EYS: variants seen among roughly 807,000 people sequenced by gnomAD.
EYS encodes protein eyes shut homolog.
In EYS, 250 loss-of-function variants were observed where a neutral mutation model predicts 282.1. The ratio of observed to expected loss-of-function variants is 0.89; its 90% CI spans 0.80 to 0.98. EYS has a LOEUF of 0.98. EYS is among the 50% of genes least tolerant of loss of function. The pLI, the probability that EYS is intolerant of heterozygous loss-of-function variation, is 0.00. For synonymous variants in EYS, 1,355 were observed against 1,282.9 expected (o/e 1.06, Z -1.20); for missense variants, 4,016 against 3,709.0 (o/e 1.08, Z -2.15).
intron 19 of EYS, among the ~76,000 whole-genome samples, chr6:64,833,269 T>G (rs1301706076): frequency 1.3e-5 from 2 of 151,886 alleles, no homozygotes; most frequent in Non-Finnish European, 2.9e-5. Flanking sequence ...TGAATAATGA[T>G]TTTGTGAAAA....
chr6:63,913,354 T>A (rs1033114384), intron 35 of EYS, among the ~76,000 whole-genome samples: 6 of 152,256 alleles, frequency 3.9e-5, no homozygotes, highest in Non-Finnish European at 8.8e-5. Flanking sequence ...AGAATTTATA[T>A]ACAATAAAAT....
At chr6:63,883,190 T>A (rs539131127) in intron 35 of EYS, among the ~76,000 whole-genome samples, 3 of 152,308 alleles carry the variant, frequency 2.0e-5, no homozygotes, top group Admixed American at 6.5e-5. Flanking sequence ...GGAACTTTCT[T>A]ACTAAGGCCT....
In EYS at chr6:64,971,583, T is replaced by C. The variant is rs535121795; in HGVS notation, c.2260-25669A>G. 6.4e-4 allele frequency among the ~76,000 whole-genome samples: 97 copies of C among 152,298 alleles called. 1 individual carries two copies. Among genetic ancestry groups the C allele is most frequent in the African/African-American group, 2.3e-3 (97 of 41,584 alleles). On this transcript the variant is annotated intron_variant, in intron 14 of 42. Transcript: ENST00000503581. ...TTTGTTTCTGAAATCAGGAAGTACT[T>C]AGCAAGTAAGGGACTACTTTTAAAA...
intron 24 of EYS, among the ~76,000 whole-genome samples, chr6:64,596,200 C>G (rs568359440): frequency 6.6e-6 from 1 of 151,990 alleles, no homozygotes; most frequent in Non-Finnish European, 1.5e-5. Flanking sequence ...ATTCCTCCCC[C>G]CAGGCCACAT....
At position 63,968,979 on chromosome 6, in the gene EYS, A is replaced by T. The variant is rs1034343616; in HGVS notation, c.7055+15404T>A. Among the ~76,000 whole-genome samples, 9 of 152,254 alleles carry T rather than the reference A, an allele frequency of 5.9e-5. No individual in the cohort carries two copies. In the East Asian group the frequency reaches 1.3e-3, roughly 23 times the overall value. ...AGAAGTAATATGTAATTTTTAAATA[A>T]TAGCATAATACATCAAAATTGAGCT... On this transcript the variant is annotated intron_variant, in intron 35 of 42. Transcript: ENST00000503581.
chr6:65,642,936 T>C (rs1767327665), intron 1 of EYS, among the ~76,000 whole-genome samples: 1 of 152,274 alleles, frequency 6.6e-6, no homozygotes, highest in Non-Finnish European at 1.5e-5. Context: ...TTGCAGTTCC[T>C]GCTTGGACAG....
At chr6:64,840,780 A>T (rs1296408203) in intron 19 of EYS, among the ~76,000 whole-genome samples, 1 of 152,138 alleles carries the variant, frequency 6.6e-6, no homozygotes, top group Non-Finnish European at 1.5e-5. Flanking sequence ...ATTAAATATG[A>T]TCTTTATCAC....
chr6:63,812,422 C>A (rs1265613092), intron 36 of EYS, among the ~76,000 whole-genome samples: 2 of 152,148 alleles, frequency 1.3e-5, no homozygotes, highest in South Asian at 4.1e-4. Context: ...AGTAGTAACT[C>A]CTTGTGCCCT....
intron 12 of EYS, among the ~76,000 whole-genome samples, chr6:65,222,581 A>T (rs1766497641): frequency 6.6e-6 from 1 of 152,240 alleles, no homozygotes; most frequent in South Asian, 2.1e-4. Context: ...GACCAGATTA[A>T]TACAAAAGAA....
intron 26 of EYS, among the ~76,000 whole-genome samples, chr6:64,450,439 G>A (rs1261546589): frequency 2.0e-5 from 3 of 152,076 alleles, no homozygotes; most frequent in African/African-American, 7.2e-5. Context: ...GTCAACATTA[G>A]ACAGATCAAC....
intron 12 of EYS, among the ~76,000 whole-genome samples, chr6:65,190,843 G>A (rs190367418): frequency 3.8e-4 from 57 of 151,816 alleles, no homozygotes; most frequent in African/African-American, 1.3e-3. Context: ...CTACTAATCA[G>A]GGCAAGACAT....
intron 31 of EYS, among the ~76,000 whole-genome samples, chr6:64,108,181 A>G (rs1379217101): frequency 6.6e-6 from 1 of 152,130 alleles, no homozygotes; most frequent in Admixed American, 6.6e-5. Context: ...AAAAAGTGTG[A>G]GGACCCTCCT....
chr6:64,335,178 T>C (rs1025507401), intron 29 of EYS, among the ~76,000 whole-genome samples: 5 of 152,064 alleles, frequency 3.3e-5, no homozygotes, highest in African/African-American at 9.7e-5. Flanking sequence ...TGAAATCAAC[T>C]ATAACCTACT....
At chr6:65,330,556 A>G (rs1769757974) in intron 11 of EYS, 1 of 983,382 alleles carries the variant, frequency 1.0e-6, no homozygotes, top group Non-Finnish European at 1.2e-6. Flanking sequence ...GGTAATATGC[A>G]GACCTGTTTG....
intron 29 of EYS, among the ~76,000 whole-genome samples, chr6:64,307,363 AC>A (rs1769493590): frequency 6.6e-6 from 1 of 152,106 alleles, no homozygotes; most frequent in Non-Finnish European, 1.5e-5. Flanking sequence ...ATGCTATTCA[AC>A]CTTATAAAAG....
intron 11 of EYS, among the ~76,000 whole-genome samples, chr6:65,319,217 A>C (rs988086090): frequency 2.0e-5 from 3 of 147,106 alleles, no homozygotes; most frequent in South Asian, 2.1e-4. Flanking sequence ...AAAAAAAAAA[A>C]AAAAAAAAAA....
At chr6:64,232,122 G>A (rs1766441303) in intron 30 of EYS, among the ~76,000 whole-genome samples, 1 of 152,048 alleles carries the variant, frequency 6.6e-6, no homozygotes, top group South Asian at 2.1e-4. Context: ...TAATGTGCAG[G>A]TCAGTTCTTT....
intron 2 of EYS, among the ~76,000 whole-genome samples, chr6:65,568,205 C>T (rs1764348663): frequency 6.6e-6 from 1 of 152,136 alleles, no homozygotes; most frequent in Non-Finnish European, 1.5e-5. Context: ...TTCATTCCTC[C>T]CTAGAAACCA....
intron 2 of EYS, among the ~76,000 whole-genome samples, chr6:65,613,970 T>A (rs1766094495): frequency 6.6e-6 from 1 of 151,978 alleles, no homozygotes; most frequent in Non-Finnish European, 1.5e-5. Flanking sequence ...CATACTTTTC[T>A]TAAACAACTG....
Sources: gnomAD v4.1 joint callset for allele counts (sites outside exome capture counted in the v4.1 genomes callset) on GRCh38, gnomAD v4.1.1 for gene constraint, MANE v1.5 for transcripts, NCBI Gene and HGNC (gene_info 2026-07-23, HGNC 2026-07-21) for gene names.